The following PRKG2 variants were observed in gnomAD, a reference collection of about 807,000 sequenced individuals.
PRKG2 encodes the protein cGMP-dependent protein kinase 2.
Under a neutral mutation model 97.2 loss-of-function variants are expected in PRKG2, and 33 were observed. The observed-to-expected ratio is 0.34, with a 90% CI of 0.26 to 0.45. The LOEUF is 0.45. Among genes scored for constraint, PRKG2 ranks in the 20% least tolerant of loss-of-function variants. PRKG2 has a pLI of 1.00. For missense variants in PRKG2, 638 were observed against 900.0 expected (o/e 0.71, Z 3.73); for synonymous variants, 330 against 321.8 (o/e 1.03, Z -0.27).
Position 81,167,206 on chromosome 4 carries a change from A to G in PRKG2, c.867T>C (p.Asn289=), listed in dbSNP as rs1321203337. 1.3e-6 allele frequency: 2 copies of G among 1,592,202 alleles called. No homozygotes were observed. The highest frequency in any genetic ancestry group is 8.5e-7 in the Non-Finnish European group (1 of 1,170,446). The change falls in exon 6 of 19, where the codon AAT becomes AAC. Residue 289 remains asparagine (N), a synonymous_variant. Transcript: ENST00000264399. ...TCTTGGTTAATTTATCTTCAGGTAA[A>G]TTCTTCAGCAAGGATACACTTCAAA... ...NFLRSVSLLK[N]LPEDKLTKII... is the part of the protein sequence containing the mutation.
At chr4:81,123,504 ACGCCATTCTC>A (rs891983202) in intron 14 of PRKG2, among the ~76,000 whole-genome samples, 1 of 152,216 alleles carries the variant, frequency 6.6e-6, no homozygotes, top group Non-Finnish European at 1.5e-5. Flanking sequence ...TCCCAGGTTC[ACGCCATTCTC>A]CTGCCTCAGC....
intron 14 of PRKG2, among the ~76,000 whole-genome samples, chr4:81,130,859 G>C (rs961816088): frequency 2.0e-5 from 3 of 152,112 alleles, no homozygotes; most frequent in Non-Finnish European, 4.4e-5. Context: ...ATCCCAGGTC[G>C]ACTTCAGACT....
At chr4:81,208,632 C>T (rs1001774327) in intron 1 of PRKG2, among the ~76,000 whole-genome samples, 10 of 151,978 alleles carry the variant, frequency 6.6e-5, no homozygotes. Context: ...CACTATGTTG[C>T]TCAAACTGGT....
intron 2 of PRKG2, among the ~76,000 whole-genome samples, chr4:81,195,951 C>T (rs184856475): frequency 6.6e-6 from 1 of 152,282 alleles, no homozygotes; most frequent in Non-Finnish European, 1.5e-5. Flanking sequence ...CTGTGACTTG[C>T]TCCTCATCAA....
In PRKG2 at chr4:81,092,438, A is replaced by C; in HGVS notation, c.2141T>G (p.Phe714Cys). 1 of 1,587,648 alleles carries C rather than the reference A, an allele frequency of 6.3e-7. No individual in the cohort carries two copies. The highest frequency in any genetic ancestry group is 8.6e-7 in the Non-Finnish European group (1 of 1,162,518). Reference protein sequence around the residue: ...DIKKHRWLNGFNWEGLKARSL... With the variant: ...DIKKHRWLNGCNWEGLKARSL... ...CCGTGCTTTCAGTCCCTCCCAATTA[A>C]AACCATTTAACCACCTGAGAAATGA... Residue 714 changes from phenylalanine to cysteine, a missense_variant, in exon 18 of 19, where the codon TTT becomes TGT. By Grantham distance (205) the Phe-to-Cys change is radical. This residue lies in a region of PRKG2 where 304 missense variants were observed against 460.5 expected (regional missense o/e 0.66). Transcript: ENST00000264399.
chr4:81,169,428 C>T (rs1750267044), intron 5 of PRKG2, among the ~76,000 whole-genome samples: 1 of 151,976 alleles, frequency 6.6e-6, no homozygotes, highest in African/African-American at 2.4e-5. Flanking sequence ...ATCACTCTAT[C>T]AATACAAGGG....
At chr4:81,153,817 G>C in intron 6 of PRKG2, 96 bp from the exon 7 acceptor site, 1 of 819,662 alleles carries the variant, frequency 1.2e-6, no homozygotes, top group East Asian at 2.6e-5. Flanking sequence ...CGTGAGCGGC[G>C]CAGAAGACGG....
chr4:81,165,617 T>C (rs1749915909), intron 6 of PRKG2, among the ~76,000 whole-genome samples: 1 of 152,138 alleles, frequency 6.6e-6, no homozygotes, highest in Non-Finnish European at 1.5e-5. Flanking sequence ...CAGAGACACA[T>C]TTGTTTGCCA....
At chr4:81,156,999 C>A (rs1338310234) in intron 6 of PRKG2, among the ~76,000 whole-genome samples, 1 of 152,026 alleles carries the variant, frequency 6.6e-6, no homozygotes, top group African/African-American at 2.4e-5. Context: ...AATTGACACC[C>A]TAACATCACA....
rs771903630 is a variant in PRKG2, at chr4:81,130,765, G to A, written c.1776+4390C>T. ...TGCAGCAGCCTCCACCAACTTCCCC[G>A]CGGCTTTGTTTACACTGTAAGGGTA... On this transcript the variant is annotated intron_variant, in intron 14 of 18. Coordinates refer to ENST00000264399, the MANE Select transcript of PRKG2 (RefSeq NM_006259.3). Among the ~76,000 whole-genome samples the A allele has an allele frequency of 3.9e-5, 6 of 152,084 alleles. No homozygotes were observed. In the South Asian group the frequency reaches 6.2e-4, roughly 16 times the overall value.
intron 1 of PRKG2, among the ~76,000 whole-genome samples, chr4:81,212,543 G>A (rs946617571): frequency 6.6e-6 from 1 of 152,148 alleles, no homozygotes; most frequent in African/African-American, 2.4e-5. Flanking sequence ...ACCAAAATGA[G>A]GAGCAGATTT....
At chr4:81,185,090 AAGACAGGGCAACAATCAAATT>A (rs1560611980) in intron 2 of PRKG2, among the ~76,000 whole-genome samples, 1 of 152,216 alleles carries the variant, frequency 6.6e-6, no homozygotes, top group African/African-American at 2.4e-5. Flanking sequence ...CCAACCTAGC[AAGACAGGGCAACAATCAAATT>A]CAGGAAATAT....
At position 81,169,680 on chromosome 4, in the gene PRKG2, G is replaced by A; in HGVS notation, c.831C>T (p.Tyr277=). Residue 277 remains tyrosine (Y), a synonymous_variant, in exon 5 of 19, where the codon TAC becomes TAT. Transcript: ENST00000264399. ...ATTCTTACCTTCTGAGGAAGTTTCTGTATTGTTCATCTCTAGCTTGGGCTG... is the reference window on the plus strand; with the variant it reads ...ATTCTTACCTTCTGAGGAAGTTTCTATATTGTTCATCTCTAGCTTGGGCTG... ...RRTAQARDEQ[Y]RNFLRSVSLL... The A allele has an allele frequency of 6.2e-7, 1 of 1,602,234 alleles. No homozygotes were observed. Among genetic ancestry groups the A allele is most frequent in the South Asian group, 1.1e-5 (1 of 90,282 alleles).
At chr4:81,126,100 C>T (rs1340741953) in intron 14 of PRKG2, among the ~76,000 whole-genome samples, 1 of 152,188 alleles carries the variant, frequency 6.6e-6, no homozygotes, top group Non-Finnish European at 1.5e-5. Flanking sequence ...CATCGTTCTA[C>T]TCCCACTTAG....
At chr4:81,098,084 C>G (rs1451719153) in intron 17 of PRKG2, among the ~76,000 whole-genome samples, 1 of 152,240 alleles carries the variant, frequency 6.6e-6, no homozygotes, top group Admixed American at 6.6e-5. Flanking sequence ...CTGGGAAAGG[C>G]AGACCCACCC....
chr4:81,121,865 T>C (rs911663425), intron 14 of PRKG2, among the ~76,000 whole-genome samples: 2 of 152,202 alleles, frequency 1.3e-5, no homozygotes, highest in South Asian at 4.1e-4. Flanking sequence ...TTTGCCATTA[T>C]AGGGCTATCA....
intron 17 of PRKG2, among the ~76,000 whole-genome samples, chr4:81,095,310 G>C (rs942735863): frequency 6.6e-6 from 1 of 152,066 alleles, no homozygotes; most frequent in African/African-American, 2.4e-5. Flanking sequence ...TCCCTCCTCT[G>C]CCCTTGCTGT....
intron 5 of PRKG2, among the ~76,000 whole-genome samples, chr4:81,168,828 A>G (rs558032944): frequency 6.6e-6 from 1 of 152,192 alleles, no homozygotes; most frequent in South Asian, 2.1e-4. Context: ...TTAGCTTTGA[A>G]GGATTCTCAT....
At chr4:81,139,399 T>C (rs749809895) in intron 12 of PRKG2, among the ~76,000 whole-genome samples, 3 of 152,152 alleles carry the variant, frequency 2.0e-5, no homozygotes, top group Non-Finnish European at 4.4e-5. Flanking sequence ...TAATTTTATA[T>C]TCATATATAC....
Sources: gnomAD v4.1 joint callset for allele counts (sites outside exome capture counted in the v4.1 genomes callset) on GRCh38, gnomAD v4.1.1 for gene constraint, gnomAD v4.1.1 regional missense constraint, MANE v1.5 for transcripts, NCBI Gene and HGNC (gene_info 2026-07-23, HGNC 2026-07-21) for gene names.